ZSCAN1: variants seen among roughly 807,000 people sequenced by gnomAD.
ZSCAN1 encodes zinc finger and SCAN domain containing 1.
A neutral mutation model predicts 23.8 loss-of-function variants in ZSCAN1; 23 were observed. That is an observed-to-expected ratio of 0.97 (90% CI 0.70 to 1.37). The LOEUF (loss-of-function observed/expected upper bound fraction) is 1.37. Among genes scored for constraint, ZSCAN1 ranks in the 40% most tolerant of loss-of-function variants. The probability of loss-of-function intolerance (pLI) is 0.00; values close to 1 mark genes in which losing one functional copy is unlikely to be tolerated. For missense variants in ZSCAN1, 575 were observed against 554.0 expected (o/e 1.04, Z -0.38); for synonymous variants, 236 against 232.3 (o/e 1.02, Z -0.15).
rs190281030 is a variant in ZSCAN1, at chr19:58,039,851, C to T, written c.371-599C>T. The stretch of plus-strand genomic sequence containing the variant: ...CACGTCTCCTAGTCCTGTTGTCCCC[C>T]GCTCTGCCTGACACCCCAGAGGTGG... On this transcript the variant is annotated intron_variant, in intron 3 of 5. Coordinates refer to ENST00000282326, the MANE Select transcript of ZSCAN1 (RefSeq NM_182572.4). Among the ~76,000 whole-genome samples, 543 of 151,820 alleles carry T rather than the reference C, an allele frequency of 3.6e-3. 4 individuals are homozygous for T. Among genetic ancestry groups the T allele is most frequent in the African/African-American group, 0.012 (483 of 41,380 alleles).
At chr19:58,048,668 G>T (rs919613253) in intron 4 of ZSCAN1, among the ~76,000 whole-genome samples, 2 of 152,194 alleles carry the variant, frequency 1.3e-5, no homozygotes, top group African/African-American at 4.8e-5. Context: ...ATGTTGGCCA[G>T]GCTGGTCTCG....
chr19:58,045,224 C>T lies in ZSCAN1; in HGVS notation c.465+4680C>T. On this transcript the variant is annotated intron_variant, in intron 4 of 5. Coordinates refer to ENST00000282326, the MANE Select transcript of ZSCAN1 (RefSeq NM_182572.4). This position sits in a 1 kb window ranked among gnomAD's most constrained non-coding sequence, Gnocchi z 4.3. The stretch of plus-strand genomic sequence containing the variant: ...ACCTCTTCCGCCTGGTGCCGTTCCT[C>T]CTGTTCGTGGTGGTGCCGTTCGTGG... 1.2e-6 allele frequency: 1 copy of T among 829,482 alleles called. No homozygotes were observed. 51.4% of individuals were successfully genotyped at this position (829,482 alleles called of 1,614,324 possible).
At position 58,053,659 on chromosome 19, in the gene ZSCAN1, A is replaced by T; in HGVS notation, c.835A>T (p.Ile279Phe). 1 of 1,614,146 alleles carries T rather than the reference A, an allele frequency of 6.2e-7. No individual in the cohort carries two copies. The highest frequency in any genetic ancestry group is 8.5e-7 in the Non-Finnish European group (1 of 1,180,030). ...KGGTQEAVAG[I>F]SVVPRGPRGG... The stretch of plus-strand genomic sequence containing the variant: ...TGGTACCCAAGAGGCTGTTGCAGGC[A>T]TCTCGGTAGTGCCGCGTGGGCCCCG... The change falls in exon 6 of 6, where the codon ATC becomes TTC. Residue 279 changes from isoleucine (I) to phenylalanine (F), a missense_variant. Coordinates refer to ENST00000282326, the MANE Select transcript of ZSCAN1 (RefSeq NM_182572.4). This position sits in a 1 kb window ranked among gnomAD's most constrained non-coding sequence, Gnocchi z 5.8.
intron 5 of ZSCAN1, 49 bp downstream of exon 5, chr19:58,052,677 CT>C: frequency 6.5e-7 from 1 of 1,530,364 alleles, no homozygotes. Context: ...GAGTTTGGGA[CT>C]TCAACCCAAA....
intron 4 of ZSCAN1, among the ~76,000 whole-genome samples, chr19:58,044,245 C>G (rs1417780723): frequency 6.6e-6 from 1 of 151,866 alleles, no homozygotes; most frequent in Admixed American, 6.6e-5. Flanking sequence ...GCACTCCAGC[C>G]CGAGCAACAG....
chr19:58,035,380 C>T (rs2073727656), intron 1 of ZSCAN1: 1 of 152,664 alleles, frequency 6.6e-6, no homozygotes, highest in African/African-American at 2.4e-5. Flanking sequence ...CCTCTGGTGC[C>T]TTCTGCTAAG....
In ZSCAN1 at chr19:58,053,738, C is replaced by T; in HGVS notation, c.914C>T (p.Thr305Ile). Residue 305 changes from threonine (T) to isoleucine (I), a missense_variant, in exon 6 of 6, where the codon ACC becomes ATC. Physicochemically the swap from Thr to Ile is moderately conservative, Grantham distance 89 (BLOSUM62 -1). Transcript: ENST00000282326. This position sits in a 1 kb window ranked among gnomAD's most constrained non-coding sequence, Gnocchi z 5.8. Reference protein sequence around the residue: ...ADCGMVFTWVTHFIEHQKTHR... With the variant: ...ADCGMVFTWVIHFIEHQKTHR... ...TGTGGGATGGTCTTCACCTGGGTCA[C>T]CCACTTCATCGAGCACCAGAAGACC... 4.3e-6 allele frequency: 7 copies of T among 1,614,150 alleles called. No individual in the cohort carries two copies. The highest frequency in any genetic ancestry group is 1.7e-6 in the Non-Finnish European group (2 of 1,180,028).
chr19:58,044,935 G>A, intron 4 of ZSCAN1: 1 of 953,938 alleles, frequency 1.0e-6, no homozygotes, highest in Non-Finnish European at 1.7e-6. Flanking sequence ...TGTTGGTGAT[G>A]ACTCGGTAGT....
At chr19:58,043,914 T>A (rs899534159) in intron 4 of ZSCAN1, among the ~76,000 whole-genome samples, 33 of 151,878 alleles carry the variant, frequency 2.2e-4, no homozygotes, top group South Asian at 4.2e-4. Context: ...CGATCCTCCC[T>A]CCTCAGCCAC....
In ZSCAN1 at chr19:58,040,567, C is replaced by T. The variant is rs780929372; in HGVS notation, c.465+23C>T. The T allele has an allele frequency of 5.0e-6, 8 of 1,610,386 alleles. No homozygotes were observed. Among genetic ancestry groups the T allele is most frequent in the Non-Finnish European group, 5.1e-6 (6 of 1,177,648 alleles). The stretch of plus-strand genomic sequence containing the variant: ...CAGGTGAGCCCGGGGCCCCCAGCTC[C>T]GTGCTCCTGCACCCCAGGGCATGCG... On this transcript the variant is annotated intron_variant, in intron 4 of 5. Coordinates refer to ENST00000282326, the MANE Select transcript of ZSCAN1 (RefSeq NM_182572.4). This position sits in a 1 kb window ranked among gnomAD's most constrained non-coding sequence, Gnocchi z 5.8.
At chr19:58,036,661 G>A (rs1447318161) in intron 2 of ZSCAN1, among the ~76,000 whole-genome samples, 1 of 151,698 alleles carries the variant, frequency 6.6e-6, no homozygotes, top group Non-Finnish European at 1.5e-5. Context: ...GATTACAGGT[G>A]CGTGCCACCA....
At chr19:58,038,234 G>A (rs1344757435) in intron 3 of ZSCAN1, 28 bp downstream of exon 3, 4 of 1,579,740 alleles carry the variant, frequency 2.5e-6, no homozygotes, top group Non-Finnish European at 3.4e-6. Flanking sequence ...CCTGCCCCGG[G>A]CCGGGCCAGG....
downstream of ZSCAN1, among the ~76,000 whole-genome samples, chr19:58,055,569 G>A (rs1442157508): frequency 6.6e-6 from 1 of 152,130 alleles, no homozygotes; most frequent in African/African-American, 2.4e-5. Context: ...TGGAGGGTGG[G>A]GTCTTGGCCC....
Position 58,040,553 on chromosome 19 carries a change from G to T in ZSCAN1, c.465+9G>T. On this transcript the variant is annotated intron_variant, in intron 4 of 5. Transcript: ENST00000282326. This position sits in a 1 kb window ranked among gnomAD's most constrained non-coding sequence, Gnocchi z 5.8. ...AGAAAGAACCATCGCAGGTGAGCCC[G>T]GGGCCCCCAGCTCCGTGCTCCTGCA... 1 of 1,612,758 alleles carries T rather than the reference G, an allele frequency of 6.2e-7. No individual in the cohort carries two copies.
At chr19:58,038,244 G>T in intron 3 of ZSCAN1, 38 bp downstream of exon 3, 1 of 1,568,742 alleles carries the variant, frequency 6.4e-7, no homozygotes, top group Non-Finnish European at 8.6e-7. Context: ...GCCGGGCCAG[G>T]GGGCCTGACG....
chr19:58,047,156 C>A lies in ZSCAN1; in HGVS notation c.466-5334C>A, dbSNP rs2073831664. Among the ~76,000 whole-genome samples, 1 of 152,220 alleles carries A rather than the reference C, an allele frequency of 6.6e-6. No individual in the cohort carries two copies. Among genetic ancestry groups the A allele is most frequent in the African/African-American group, 2.4e-5 (1 of 41,472 alleles). ...CCCACACGGAGCTGGCTGCTACGCCCACCCTCAGAGGCGTCAGGAGACACA... is the reference window on the plus strand; with the variant it reads ...CCCACACGGAGCTGGCTGCTACGCCAACCCTCAGAGGCGTCAGGAGACACA... On this transcript the variant is annotated intron_variant, in intron 4 of 5. Transcript: ENST00000282326. This position sits in a 1 kb window ranked among gnomAD's most constrained non-coding sequence, Gnocchi z 4.9.
In ZSCAN1 at chr19:58,053,463, C is replaced by G; in HGVS notation, c.639C>G (p.Ile213Met). 6.2e-7 allele frequency: 1 copy of G among 1,613,144 alleles called. No homozygotes were observed. Among genetic ancestry groups the G allele is most frequent in the Non-Finnish European group, 8.5e-7 (1 of 1,179,294 alleles). Residue 213 changes from isoleucine to methionine, a missense_variant, in exon 6 of 6, where the codon ATC becomes ATG. Physicochemically the swap from Ile to Met is conservative, Grantham distance 10. Transcript: ENST00000282326. The surrounding 1 kb of genome is among the most constrained non-coding windows in gnomAD (Gnocchi z 5.8). Reference sequence around the variant, plus strand: ...CCCGCTTGCCTCTGAAGCCGAGTATCTGGGACGAGCCTGAGGACCTTCTCG... The same window carrying G: ...CCCGCTTGCCTCTGAAGCCGAGTATGTGGGACGAGCCTGAGGACCTTCTCG... Reference protein sequence around the residue: ...SRARLPLKPSIWDEPEDLLAG... With the variant: ...SRARLPLKPSMWDEPEDLLAG...
chr19:58,036,825 T>C (rs572425540), intron 2 of ZSCAN1, among the ~76,000 whole-genome samples: 4 of 152,144 alleles, frequency 2.6e-5, no homozygotes, highest in Non-Finnish European at 2.9e-5. Flanking sequence ...TAGCTGGGAT[T>C]AGAGGTGTGC....
chr19:58,038,042 C>A lies in ZSCAN1; in HGVS notation c.206C>A (p.Pro69His). Residue 69 changes from proline to histidine, a missense_variant, in exon 3 of 6, where the codon CCC becomes CAC. Pro to His is a moderately conservative substitution (Grantham distance 77, BLOSUM62 -2). Transcript: ENST00000282326. Reference sequence around the variant, plus strand: ...ACGCTGTGCCGCCAGTGGCTGAGGCCCGAGGCGCGCTCCAAGGAGCAGATG... The same window carrying A: ...ACGCTGTGCCGCCAGTGGCTGAGGCACGAGGCGCGCTCCAAGGAGCAGATG... ...LWTLCRQWLR[P>H]EARSKEQMLE... 6.2e-7 allele frequency: 1 copy of A among 1,611,780 alleles called. No homozygotes were observed. Among genetic ancestry groups the A allele is most frequent in the Non-Finnish European group, 8.5e-7 (1 of 1,179,734 alleles).
Sources: allele counts gnomAD v4.1 joint callset (sites outside exome capture counted in the v4.1 genomes callset), GRCh38; gene constraint gnomAD v4.1.1; non-coding constraint Gnocchi (gnomAD v3.1); transcripts MANE v1.5; gene names NCBI Gene and HGNC (gene_info 2026-07-23, HGNC 2026-07-21).